Variants in GATAD1 observed in about 807,000 individuals in gnomAD.
GATAD1 encodes the protein GATA zinc finger domain containing 1.
A neutral mutation model predicts 26.5 loss-of-function variants in GATAD1; 12 were observed. The ratio of observed to expected loss-of-function variants is 0.45; its 90% CI spans 0.29 to 0.73. The LOEUF (loss-of-function observed/expected upper bound fraction) is 0.73, where lower values mean the gene tolerates loss of function less well. Among genes scored for constraint, GATAD1 ranks in the 30% least tolerant of loss-of-function variants. The pLI is 0.10. For synonymous variants in GATAD1, 129 were observed against 133.1 expected, an observed-to-expected ratio of 0.97 and a Z score of 0.21; for missense variants, 266 against 342.1, an observed-to-expected ratio of 0.78 and a Z score of 1.75.
the GATAD1 span, among the ~76,000 whole-genome samples, chr7:92,467,308 G>A: frequency 1.5e-4 from 22 of 151,582 alleles, no homozygotes; most frequent in African/African-American, 4.1e-4. Context: ...ACAAAACTCC[G>A]TCTCAAAATA....
the GATAD1 span, chr7:92,470,193 A>G: frequency 1.3e-6 from 1 of 778,520 alleles, no homozygotes; most frequent in Non-Finnish European, 2.4e-6. Flanking sequence ...GGGTGTGGGC[A>G]GTGAAGGTGG....
the GATAD1 span, chr7:92,471,897 TC>T: frequency 1.3e-5 from 2 of 152,210 alleles, no homozygotes; most frequent in Non-Finnish European, 2.9e-5. Flanking sequence ...CCTTTTTTCT[TC>T]TCCTAATTCT....
the GATAD1 span, among the ~76,000 whole-genome samples, chr7:92,480,047 G>A: frequency 1.3e-5 from 2 of 152,120 alleles, no homozygotes; most frequent in Non-Finnish European, 2.9e-5. Flanking sequence ...GTTTGGTGGG[G>A]TGTGTTTTTA....
chr7:92,468,038 G>GGT, the GATAD1 span, among the ~76,000 whole-genome samples: 1 of 152,170 alleles, frequency 6.6e-6, no homozygotes, highest in Non-Finnish European at 1.5e-5. Context: ...TCTGACCTGG[G>GGT]GTTCTTGGCC....
chr7:92,489,555 C>T, the GATAD1 span: 1 of 1,043,752 alleles, frequency 9.6e-7, no homozygotes, highest in Non-Finnish European at 1.5e-6. Flanking sequence ...GATAATGAAA[C>T]ATTGAAAGCA....
At chr7:92,494,553 T>TA in the GATAD1 span, 4 of 1,613,898 alleles carry the variant, frequency 2.5e-6, no homozygotes, top group Non-Finnish European at 3.4e-6. Context: ...GTAACTCCTG[T>TA]ATTATCATGA....
intron 2 of GATAD1, chr7:92,449,961 T>C (rs1399576483): frequency 6.6e-6 from 1 of 152,228 alleles, no homozygotes; most frequent in South Asian, 2.1e-4. Context: ...AAGATTTTTA[T>C]AGTTAAGTGA....
chr7:92,481,813 G>A, the GATAD1 span, among the ~76,000 whole-genome samples: 1 of 152,252 alleles, frequency 6.6e-6, no homozygotes, highest in South Asian at 2.1e-4. Flanking sequence ...ATCCAACCAT[G>A]CCTAGGAGGG....
chr7:92,453,312 A>C (rs1211385240), intron 3 of GATAD1, among the ~76,000 whole-genome samples: 1 of 152,210 alleles, frequency 6.6e-6, no homozygotes, highest in Admixed American at 6.5e-5. Flanking sequence ...ATACCCACTT[A>C]AGGAGGTGCT....
At chr7:92,455,674 A>C (rs927451300) in intron 4 of GATAD1, among the ~76,000 whole-genome samples, 3 of 152,232 alleles carry the variant, frequency 2.0e-5, no homozygotes, top group African/African-American at 7.2e-5. Flanking sequence ...GAACAAGCAT[A>C]AGTGTGTTTT....
At chr7:92,465,354 A>C in the GATAD1 span, among the ~76,000 whole-genome samples, 1 of 152,220 alleles carries the variant, frequency 6.6e-6, no homozygotes, top group Non-Finnish European at 1.5e-5. Context: ...GCAGTGGCTC[A>C]TGCCTGTAAT....
chr7:92,488,607 A>C, the GATAD1 span, among the ~76,000 whole-genome samples: 3 of 152,236 alleles, frequency 2.0e-5, no homozygotes, highest in Non-Finnish European at 4.4e-5. Flanking sequence ...TGAGGTCAAT[A>C]AAATATTAAT....
the GATAD1 span, among the ~76,000 whole-genome samples, chr7:92,487,782 AAT>A: frequency 0.037 from 5,664 of 152,302 alleles, 351 homozygotes; most frequent in East Asian, 0.28. Context: ...AATGACAATG[AAT>A]AATATGAAAA....
chr7:92,484,370 C>T, the GATAD1 span, among the ~76,000 whole-genome samples: 16 of 152,106 alleles, frequency 1.1e-4, no homozygotes, highest in East Asian at 1.4e-3. Flanking sequence ...CCAAAGCAGG[C>T]GTCCCCTGCT....
downstream of GATAD1, among the ~76,000 whole-genome samples, chr7:92,462,664 G>T (rs139478824): frequency 2.8e-3 from 420 of 152,328 alleles, 3 homozygotes; most frequent in African/African-American, 9.3e-3. Context: ...GGCCCCCAAG[G>T]CAATGGTATT....
chr7:92,463,303 G>T (rs1585180657), downstream of GATAD1, among the ~76,000 whole-genome samples: 1 of 152,124 alleles, frequency 6.6e-6, no homozygotes, highest in Non-Finnish European at 1.5e-5. Flanking sequence ...AATGGGTAGT[G>T]ACAGTAGTCA....
the GATAD1 span, chr7:92,491,525 C>T: frequency 7.1e-7 from 1 of 1,402,900 alleles, no homozygotes; most frequent in Non-Finnish European, 1.0e-6. Flanking sequence ...AAAGGACAAC[C>T]AGTTTAAAGA....
At chr7:92,494,551 T>C in the GATAD1 span, 2 of 1,613,928 alleles carry the variant, frequency 1.2e-6, no homozygotes. Flanking sequence ...CTGTAACTCC[T>C]GTATTATCAT....
At chr7:92,467,932 C>T in the GATAD1 span, among the ~76,000 whole-genome samples, 1 of 152,360 alleles carries the variant, frequency 6.6e-6, no homozygotes, top group South Asian at 2.1e-4. Flanking sequence ...TTTTCTTGCT[C>T]TACCATTAGT....
Sources: gnomAD v4.1 joint callset for allele counts (sites outside exome capture counted in the v4.1 genomes callset) on GRCh38, gnomAD v4.1.1 for gene constraint, MANE v1.5 for transcripts, NCBI Gene and HGNC (gene_info 2026-07-23, HGNC 2026-07-21) for gene names.